SLC44A5: variants seen among roughly 807,000 people sequenced by gnomAD.
SLC44A5 encodes the protein solute carrier family 44 member 5, also known as choline transporter-like protein 5.
In SLC44A5, 57 loss-of-function variants were observed where a neutral mutation model predicts 101.8. That is an observed-to-expected ratio of 0.56 (90% CI 0.45 to 0.70). The LOEUF (loss-of-function observed/expected upper bound fraction) is 0.70, where lower values mean the gene tolerates loss of function less well. Among genes scored for constraint, SLC44A5 ranks in the 30% least tolerant of loss-of-function variants. The probability of loss-of-function intolerance (pLI) is 0.00; values close to 1 mark genes in which losing one functional copy is unlikely to be tolerated. For missense variants in SLC44A5, 737 were observed against 853.1 expected (o/e 0.86, Z 1.70); for synonymous variants, 281 against 290.9 (o/e 0.97, Z 0.35).
chr1:75,226,039 G>A (rs1647187537), intron 13 of SLC44A5, among the ~76,000 whole-genome samples: 1 of 152,176 alleles, frequency 6.6e-6, no homozygotes, highest in South Asian at 2.1e-4. Flanking sequence ...CTGAAGAGAT[G>A]TGGAATCATT....
At chr1:75,219,998 G>A (rs1343198907) in intron 14 of SLC44A5, 106 bp from the exon 15 acceptor site, 3 of 588,664 alleles carry the variant, frequency 5.1e-6, no homozygotes, top group Non-Finnish European at 2.9e-6. Flanking sequence ...CTTTTTTGGT[G>A]ATCATTCTGG....
At chr1:75,488,496 A>G (rs1342768281) in intron 2 of SLC44A5, among the ~76,000 whole-genome samples, 1 of 152,212 alleles carries the variant, frequency 6.6e-6, no homozygotes, top group African/African-American at 2.4e-5. Context: ...CCAAAATGTC[A>G]TCATGCAGTA....
chr1:75,540,547 G>A lies in SLC44A5; in HGVS notation c.13+888C>T, dbSNP rs1033489899. On this transcript the variant is annotated intron_variant, in intron 2 of 23. Coordinates refer to ENST00000370859, the MANE Select transcript of SLC44A5 (RefSeq NM_001130058.2). ...ACATGTGTAGATTCAAACATATTCTGGGTTCCTCTTTTAAGAATCTTGTTA... is the reference window on the plus strand; with the variant it reads ...ACATGTGTAGATTCAAACATATTCTAGGTTCCTCTTTTAAGAATCTTGTTA... 2.0e-5 allele frequency among the ~76,000 whole-genome samples: 3 copies of A among 152,160 alleles called. No homozygotes were observed. In the South Asian group the frequency reaches 6.2e-4, roughly 32 times the overall value.
At chr1:75,511,851 A>G (rs1669586469) in intron 2 of SLC44A5, among the ~76,000 whole-genome samples, 1 of 152,214 alleles carries the variant, frequency 6.6e-6, no homozygotes, top group African/African-American at 2.4e-5. Flanking sequence ...ATTAGGGTCA[A>G]GCCAGACTAT....
At chr1:75,577,461 C>T (rs1673437479) in intron 1 of SLC44A5, among the ~76,000 whole-genome samples, 1 of 152,134 alleles carries the variant, frequency 6.6e-6, no homozygotes, top group Non-Finnish European at 1.5e-5. Context: ...CGCACTTATT[C>T]CCTCTTTCTG....
At chr1:75,495,699 A>G (rs1668634066) in intron 2 of SLC44A5, among the ~76,000 whole-genome samples, 1 of 152,106 alleles carries the variant, frequency 6.6e-6, no homozygotes, top group Non-Finnish European at 1.5e-5. Context: ...AAAAAAGCAA[A>G]AAGAAAAAAA....
intron 2 of SLC44A5, among the ~76,000 whole-genome samples, chr1:75,477,418 G>A (rs1354866325): frequency 3.3e-5 from 5 of 152,192 alleles, no homozygotes; most frequent in African/African-American, 7.2e-5. Context: ...TGACTTTGAC[G>A]AGTTGAGAGA....
At chr1:75,704,768 A>G in the SLC44A5 span, among the ~76,000 whole-genome samples, 1 of 152,152 alleles carries the variant, frequency 6.6e-6, no homozygotes, top group African/African-American at 2.4e-5. Context: ...AAATAATGAC[A>G]GTGTTATCTT....
chr1:75,459,730 T>C (rs1321414085), intron 2 of SLC44A5, among the ~76,000 whole-genome samples: 1 of 152,224 alleles, frequency 6.6e-6, no homozygotes, highest in East Asian at 1.9e-4. Context: ...TGGCATGTAA[T>C]GCAGGCCAAT....
the SLC44A5 span, among the ~76,000 whole-genome samples, chr1:75,702,451 G>C: frequency 6.6e-6 from 1 of 152,130 alleles, no homozygotes; most frequent in Non-Finnish European, 1.5e-5. Context: ...AAACTGGCTA[G>C]CCATATGTAG....
intron 5 of SLC44A5, among the ~76,000 whole-genome samples, chr1:75,292,934 G>A (rs1045065829): frequency 2.6e-5 from 4 of 152,108 alleles, no homozygotes; most frequent in East Asian, 1.9e-4. Context: ...CTTGGGTTAC[G>A]TTGGTGAATA....
At chr1:75,464,513 C>A (rs920016288) in intron 2 of SLC44A5, among the ~76,000 whole-genome samples, 26 of 151,756 alleles carry the variant, frequency 1.7e-4, no homozygotes, top group Non-Finnish European at 2.9e-5. Context: ...ACAAAACAAG[C>A]AGAAAACATA....
At chr1:75,502,891 G>A (rs930386045) in intron 2 of SLC44A5, among the ~76,000 whole-genome samples, 2 of 152,012 alleles carry the variant, frequency 1.3e-5, no homozygotes, top group Non-Finnish European at 2.9e-5. Flanking sequence ...TGGGGGCTCC[G>A]CCTTGCTGAG....
Position 75,396,576 on chromosome 1 carries a change from G to A in SLC44A5, c.52+7C>T, listed in dbSNP as rs1213044459. On this transcript the variant is annotated splice_region_variant and intron_variant, in intron 3 of 23. Transcript: ENST00000370859. ...TCTTAGCACTTAATACTCAGACTAT[G>A]ACTTACCAAAGTCCTCTTCCTCAGA... The A allele has an allele frequency of 6.2e-7, 1 of 1,609,620 alleles. No homozygotes were observed. The highest frequency in any genetic ancestry group is 1.1e-5 in the South Asian group (1 of 90,992).
chr1:75,354,749 T>G (rs1191622073), intron 3 of SLC44A5, among the ~76,000 whole-genome samples: 2 of 152,202 alleles, frequency 1.3e-5, no homozygotes, highest in African/African-American at 2.4e-5. Context: ...TTCGAGCTCT[T>G]AAGTAAAACC....
chr1:75,247,735 T>C (rs1323543736), intron 7 of SLC44A5, among the ~76,000 whole-genome samples: 1 of 151,760 alleles, frequency 6.6e-6, no homozygotes, highest in East Asian at 1.9e-4. Flanking sequence ...TTTAAGGAGG[T>C]GGGATTGATT....
At chr1:75,469,410 A>T (rs1666984908) in intron 2 of SLC44A5, among the ~76,000 whole-genome samples, 1 of 152,236 alleles carries the variant, frequency 6.6e-6, no homozygotes, top group African/African-American at 2.4e-5. Flanking sequence ...GCCACTTAAG[A>T]AGACAATAAT....
At chr1:75,686,882 T>A in the SLC44A5 span, among the ~76,000 whole-genome samples, 2 of 152,094 alleles carry the variant, frequency 1.3e-5, no homozygotes, top group African/African-American at 4.8e-5. Context: ...ATAGAGTAAA[T>A]TGGACTTGCT....
intron 4 of SLC44A5, among the ~76,000 whole-genome samples, chr1:75,327,161 T>C (rs1461221704): frequency 1.3e-5 from 2 of 152,060 alleles, no homozygotes; most frequent in South Asian, 2.1e-4. Flanking sequence ...ATGAGATTAG[T>C]AATGATTATG....
Sources: gnomAD v4.1 joint callset for allele counts (sites outside exome capture counted in the v4.1 genomes callset) on GRCh38, gnomAD v4.1.1 for gene constraint, MANE v1.5 for transcripts, NCBI Gene and HGNC (gene_info 2026-07-23, HGNC 2026-07-21) for gene names.